Variants in GANAB observed in about 807,000 individuals in gnomAD.
GANAB encodes the protein neutral alpha-glucosidase AB.
A neutral mutation model predicts 129.9 loss-of-function variants in GANAB; 35 were observed. The observed-to-expected ratio is 0.27, with a 90% CI of 0.21 to 0.36. GANAB has a LOEUF of 0.36. Among genes scored for constraint, GANAB ranks in the 10% least tolerant of loss-of-function variants. The pLI, the probability that GANAB is intolerant of heterozygous loss-of-function variation, is 1.00. For missense variants in GANAB, 939 were observed against 1,221.0 expected (o/e 0.77, Z 3.44); for synonymous variants, 482 against 451.8 (o/e 1.07, Z -0.85).
At chr11:62,641,420 T>C (rs1944255713) in intron 1 of GANAB, among the ~76,000 whole-genome samples, 1 of 149,194 alleles carries the variant, frequency 6.7e-6, no homozygotes, top group Admixed American at 6.7e-5. Flanking sequence ...CCTAGCACCC[T>C]AGGCAGCCTG....
chr11:62,638,697 G>A (rs2134526559), intron 4 of GANAB, among the ~76,000 whole-genome samples: 1 of 152,168 alleles, frequency 6.6e-6, no homozygotes, highest in East Asian at 1.9e-4. Context: ...AACGAGATCT[G>A]TAAATAAACA....
At chr11:62,634,777 C>A in intron 5 of GANAB, 44 bp downstream of exon 5, 1 of 1,510,582 alleles carries the variant, frequency 6.6e-7, no homozygotes, top group Non-Finnish European at 9.2e-7. Flanking sequence ...CACCCCTATG[C>A]TCTTTCACAC....
chr11:62,640,533 C>A (rs1341828695), intron 1 of GANAB, among the ~76,000 whole-genome samples: 505 of 86,464 alleles, frequency 5.8e-3, no homozygotes, highest in Middle Eastern at 0.029. Context: ...ACTCCATCTC[C>A]AAAAAAAAAA....
intron 1 of GANAB, among the ~76,000 whole-genome samples, chr11:62,641,515 T>G (rs1253120675): frequency 6.6e-6 from 1 of 152,106 alleles, no homozygotes; most frequent in South Asian, 2.1e-4. Context: ...TAAAATGTTC[T>G]GAGCCCTAAT....
intron 4 of GANAB, among the ~76,000 whole-genome samples, chr11:62,636,540 G>C (rs1168276977): frequency 6.6e-6 from 1 of 152,164 alleles, no homozygotes; most frequent in East Asian, 1.9e-4. Context: ...TTTTTGGCCA[G>C]GCATGGTGGC....
intron 8 of GANAB, 107 bp downstream of exon 8, chr11:62,632,898 G>A: frequency 1.0e-6 from 1 of 975,404 alleles, no homozygotes; most frequent in Non-Finnish European, 1.6e-6. Context: ...CTGGACACAA[G>A]AAATGACCCA....
At chr11:62,642,100 T>A (rs1450139292) in intron 1 of GANAB, among the ~76,000 whole-genome samples, 1 of 151,988 alleles carries the variant, frequency 6.6e-6, no homozygotes. Flanking sequence ...TAATCCCAGC[T>A]ATTCAGGAGG....
At position 62,626,379 on chromosome 11, in the gene GANAB, G is replaced by A; in HGVS notation, c.2580C>T (p.Phe860=). 6.2e-7 allele frequency: 1 copy of A among 1,613,514 alleles called. No homozygotes were observed. The highest frequency in any genetic ancestry group is 8.5e-7 in the Non-Finnish European group (1 of 1,179,390). Residue 860 remains phenylalanine, a synonymous_variant, in exon 22 of 24, where the codon TTC becomes TTT. Transcript: ENST00000356638. The part of the protein sequence containing the change: ...HTFNYQTRQE[F]LLRRFSFSGN... The stretch of plus-strand genomic sequence containing the variant: ...CAGAGAATGAGAATCGACGCAGCAG[G>A]AACTCTTGGCGAGTCTGATAGTTGA...
chr11:62,631,686 C>A (rs931137310), intron 9 of GANAB, among the ~76,000 whole-genome samples: 9 of 152,092 alleles, frequency 5.9e-5, no homozygotes, highest in African/African-American at 2.2e-4. Context: ...TGGTCTCGAT[C>A]TCTTGACCTT....
At chr11:62,646,531 C>A (rs1487792708) in intron 1 of GANAB, 31 bp downstream of exon 1, 5 of 1,611,986 alleles carry the variant, frequency 3.1e-6, no homozygotes. Flanking sequence ...GGGGGCGTCC[C>A]GGGCGCGCCC....
In GANAB at chr11:62,625,868, G is replaced by C. The variant is rs770553981; in HGVS notation, c.2782C>G (p.Leu928Val). The change falls in exon 24 of 24, where the codon CTG becomes GTG. Residue 928 changes from leucine to valine, a missense_variant. Transcript: ENST00000356638. ...QHDPETSVLV[L>V]RKPGINVASD... ...GCCACATTGATGCCAGGCTTGCGCA[G>C]GACCAACACAGAGGTCTCAGGGTCA... 3 of 1,613,828 alleles carry C rather than the reference G, an allele frequency of 1.9e-6. No homozygotes were observed. In the Admixed American group the frequency reaches 5.0e-5, roughly 27 times the overall value.
At chr11:62,632,966 T>C in intron 8 of GANAB, 39 bp downstream of exon 8, 1 of 1,271,690 alleles carries the variant, frequency 7.9e-7, no homozygotes, top group Non-Finnish European at 1.2e-6. Context: ...GACTCCTTCC[T>C]GCCCACCTCC....
Position 62,639,054 on chromosome 11 carries a change from A to G in GANAB, c.309T>C (p.Ile103=). Residue 103 remains isoleucine, a synonymous_variant, in exon 4 of 24, where the codon ATT becomes ATC. Coordinates refer to ENST00000356638, the MANE Select transcript of GANAB (RefSeq NM_198334.3). The stretch of plus-strand genomic sequence containing the variant: ...GGGGTCGCCGAGGCTCCAGCTCATC[A>G]ATCCTGAACCGAGTCATGTTCTTTT... The part of the protein sequence containing the change: ...GLQKNMTRFR[I]DELEPRRPRY... 6.2e-7 allele frequency: 1 copy of G among 1,614,054 alleles called. No individual in the cohort carries two copies. The highest frequency in any genetic ancestry group is 8.5e-7 in the Non-Finnish European group (1 of 1,179,962).
At position 62,628,812 on chromosome 11, in the gene GANAB, T is replaced by A; in HGVS notation, c.2137A>T (p.Thr713Ser). Residue 713 changes from threonine (T) to serine (S), a missense_variant, in exon 17 of 24, where the codon ACC becomes TCC. Around this residue, in one of 5 missense-constraint regions of GANAB, gnomAD observed 147 missense variants for 282.4 expected, o/e 0.52. Coordinates refer to ENST00000356638, the MANE Select transcript of GANAB (RefSeq NM_198334.3). ...QRYSLLPFWY[T>S]LLYQAHREGI... Reference sequence around the variant, plus strand: ...TCCCGATGGGCCTGATATAAGAGGGTGTACCAGAAGGGCAGCAAAGAATAT... The same window carrying A: ...TCCCGATGGGCCTGATATAAGAGGGAGTACCAGAAGGGCAGCAAAGAATAT... 1 of 1,614,022 alleles carries A rather than the reference T, an allele frequency of 6.2e-7. No individual in the cohort carries two copies. Among genetic ancestry groups the A allele is most frequent in the Non-Finnish European group, 8.5e-7 (1 of 1,179,990 alleles).
At chr11:62,636,307 G>C (rs1300452334) in intron 4 of GANAB, among the ~76,000 whole-genome samples, 1 of 151,292 alleles carries the variant, frequency 6.6e-6, no homozygotes, top group Non-Finnish European at 1.5e-5. Context: ...AAATTTAAAA[G>C]TAAAAGCTTT....
intron 9 of GANAB, 89 bp downstream of exon 9, chr11:62,632,475 TC>T: frequency 2.0e-6 from 2 of 1,002,700 alleles, no homozygotes. Context: ...TTAAACCCAG[TC>T]CCCAAATAGC....
rs1463523799 is a variant in GANAB at position 62,629,226 on chromosome 11, C to G, written c.1904G>C (p.Ser635Thr). 1.2e-6 allele frequency: 2 copies of G among 1,613,402 alleles called. No homozygotes were observed. The highest frequency in any genetic ancestry group is 1.7e-6 in the Non-Finnish European group (2 of 1,179,478). ...HLKISIPMCL[S>T]LGLVGLSFCG... The stretch of plus-strand genomic sequence containing the variant: ...GAAGGAAAGTCCCACCAGCCCCAAG[C>G]TGAGACACATAGGAATAGAGATCTT... Residue 635 changes from serine to threonine, a missense_variant, in exon 16 of 24, where the codon AGC becomes ACC. Around this residue, in one of 5 missense-constraint regions of GANAB, gnomAD observed 147 missense variants for 282.4 expected, o/e 0.52. Coordinates refer to ENST00000356638, the MANE Select transcript of GANAB (RefSeq NM_198334.3).
chr11:62,639,949 G>C (rs1944150760), intron 1 of GANAB: 2 of 532,984 alleles, frequency 3.8e-6, no homozygotes, highest in Non-Finnish European at 6.7e-6. Flanking sequence ...TTGAAAGGCA[G>C]AGTAGGCTGG....
intron 23 of GANAB, 48 bp downstream of exon 23, chr11:62,626,017 C>A: frequency 6.6e-7 from 1 of 1,515,768 alleles, no homozygotes; most frequent in East Asian, 2.2e-5. Context: ...TAAACCTGCC[C>A]CGGCTTCCCC....
Sources: gnomAD v4.1 joint callset for allele counts (sites outside exome capture counted in the v4.1 genomes callset) on GRCh38, gnomAD v4.1.1 for gene constraint, gnomAD v4.1.1 regional missense constraint, MANE v1.5 for transcripts, NCBI Gene and HGNC (gene_info 2026-07-23, HGNC 2026-07-21) for gene names.